HCRTR2: variants seen among roughly 807,000 people sequenced by gnomAD.
HCRTR2 encodes orexin receptor type 2.
Under a neutral mutation model 49.0 loss-of-function variants are expected in HCRTR2, and 22 were observed. The ratio of observed to expected loss-of-function variants is 0.45; its 90% CI spans 0.32 to 0.64. HCRTR2 has a LOEUF of 0.64. Among genes scored for constraint, HCRTR2 ranks in the 30% least tolerant of loss-of-function variants. HCRTR2 has a pLI of 0.04. For synonymous variants in HCRTR2, 236 were observed against 205.3 expected (o/e 1.15, Z -1.28); for missense variants, 491 against 559.4 (o/e 0.88, Z 1.23).
At chr6:55,191,575 T>A (rs1396976029) in intron 1 of HCRTR2, among the ~76,000 whole-genome samples, 2 of 152,212 alleles carry the variant, frequency 1.3e-5, no homozygotes, top group Admixed American at 1.3e-4. Context: ...TTAGTCCTAG[T>A]ATCTCTGATA....
chr6:55,221,549 C>T (rs12660294), intron 1 of HCRTR2, among the ~76,000 whole-genome samples: 1 of 151,708 alleles, frequency 6.6e-6, no homozygotes, highest in Non-Finnish European at 1.5e-5. Context: ...CGTGGTGGCT[C>T]ACGCCTGTAA....
At chr6:55,220,510 T>C (rs182577226) in intron 1 of HCRTR2, among the ~76,000 whole-genome samples, 1 of 152,260 alleles carries the variant, frequency 6.6e-6, no homozygotes, top group East Asian at 1.9e-4. Context: ...TAATACCCTT[T>C]CGTAATAAAA....
chr6:55,281,312 T>TA (rs1338533491), intron 6 of HCRTR2, among the ~76,000 whole-genome samples: 11 of 151,658 alleles, frequency 7.3e-5, no homozygotes, highest in Non-Finnish European at 4.4e-5. Context: ...TTGTTCTATT[T>TA]AAAAAAAAAT....
intron 1 of HCRTR2, among the ~76,000 whole-genome samples, chr6:55,205,478 A>C (rs944377116): frequency 3.3e-5 from 5 of 152,130 alleles, no homozygotes; most frequent in African/African-American, 9.7e-5. Flanking sequence ...TCAACCATAA[A>C]ATTTGGCATT....
intron 1 of HCRTR2, among the ~76,000 whole-genome samples, chr6:55,224,031 T>A (rs1452893998): frequency 6.6e-6 from 1 of 152,204 alleles, no homozygotes; most frequent in Non-Finnish European, 1.5e-5. Flanking sequence ...ATTTTTTCAA[T>A]GAGAGATTTT....
At chr6:55,107,543 A>G (rs1763991712) in intron 1 of HCRTR2, among the ~76,000 whole-genome samples, 1 of 148,828 alleles carries the variant, frequency 6.7e-6, no homozygotes, top group Admixed American at 6.6e-5. Context: ...GTTCTGTAAC[A>G]TATACACTAT....
intron 1 of HCRTR2, among the ~76,000 whole-genome samples, chr6:55,246,257 T>A (rs1262440242): frequency 6.6e-6 from 1 of 152,086 alleles, no homozygotes; most frequent in African/African-American, 2.4e-5. Context: ...GGTACTTTTT[T>A]ACAGCAGCCT....
chr6:55,196,066 T>G (rs1765404182), intron 1 of HCRTR2, among the ~76,000 whole-genome samples: 1 of 152,202 alleles, frequency 6.6e-6, no homozygotes, highest in Non-Finnish European at 1.5e-5. Context: ...TATCAGTAAT[T>G]TAAATTTTTC....
At chr6:55,200,236 TG>T (rs1164130273) in intron 1 of HCRTR2, among the ~76,000 whole-genome samples, 14 of 2,408 alleles carry the variant, frequency 5.8e-3, no homozygotes, top group East Asian at 0.033. Flanking sequence ...TTTGCTGTCT[TG>T]TGTGTGTGTG....
rs556825273 is a variant in HCRTR2 at position 55,175,696 on chromosome 6, C to T, written c.223+886C>T. Among the ~76,000 whole-genome samples the T allele has an allele frequency of 7.2e-5, 11 of 152,160 alleles. 3 individuals carry two copies. The highest frequency in any genetic ancestry group is 2.6e-4 in the African/African-American group (11 of 41,512). ...GACCCCTCATCCCCCTCCCCCTAAA[C>T]AATTTCTGAGGGTTGGGGAGGGGGT... On this transcript the variant is annotated intron_variant, in intron 1 of 6. Transcript: ENST00000370862.
intron 1 of HCRTR2, among the ~76,000 whole-genome samples, chr6:55,185,942 C>T (rs1437892565): frequency 1.3e-5 from 2 of 152,194 alleles, no homozygotes; most frequent in Admixed American, 6.5e-5. Context: ...ATGACTGGCT[C>T]CTGCTCAGCT....
At chr6:55,157,596 G>T (rs555615718) in intron 1 of HCRTR2, among the ~76,000 whole-genome samples, 1 of 152,192 alleles carries the variant, frequency 6.6e-6, no homozygotes, top group Admixed American at 6.5e-5. Flanking sequence ...TGCTATGTTG[G>T]CTTCTAGTTT....
At chr6:55,207,807 T>G (rs1456657673) in intron 1 of HCRTR2, among the ~76,000 whole-genome samples, 1 of 152,214 alleles carries the variant, frequency 6.6e-6, no homozygotes, top group African/African-American at 2.4e-5. Flanking sequence ...TCACTTTTTT[T>G]CTAACCTCTA....
intron 1 of HCRTR2, among the ~76,000 whole-genome samples, chr6:55,175,556 CAT>C (rs1765025333): frequency 6.6e-6 from 1 of 151,572 alleles, no homozygotes; most frequent in South Asian, 2.1e-4. Flanking sequence ...AGGAATTATT[CAT>C]GTCAACTGTT....
chr6:55,219,690 G>A lies in HCRTR2; in HGVS notation c.224-28949G>A, dbSNP rs1400404185. Among the ~76,000 whole-genome samples the A allele has an allele frequency of 3.3e-5, 5 of 151,296 alleles. No individual in the cohort carries two copies. The East Asian group carries it at 9.7e-4, about 29-fold the overall frequency. ...ACTAAGCCTAATGTTAGCAAAGAAAGGAAATAATAAAAATTAGAAAAAATA... is the reference window on the plus strand; with the variant it reads ...ACTAAGCCTAATGTTAGCAAAGAAAAGAAATAATAAAAATTAGAAAAAATA... On this transcript the variant is annotated intron_variant, in intron 1 of 6. Coordinates refer to ENST00000370862, the MANE Select transcript of HCRTR2 (RefSeq NM_001384272.1).
intron 2 of HCRTR2, among the ~76,000 whole-genome samples, chr6:55,253,864 C>A (rs1044166874): frequency 6.6e-6 from 1 of 151,980 alleles, no homozygotes; most frequent in Admixed American, 6.6e-5. Context: ...ACAACACGCA[C>A]TGGGGCCTTT....
At chr6:55,171,048 G>T (rs1429457115), upstream of HCRTR2, among the ~76,000 whole-genome samples, 5 of 152,166 alleles carry the variant, frequency 3.3e-5, no homozygotes, top group East Asian at 3.9e-4. Flanking sequence ...ACATATGTGT[G>T]CATGTGTCTT....
At chr6:55,259,357 A>T (rs910408644) in intron 3 of HCRTR2, among the ~76,000 whole-genome samples, 3 of 152,264 alleles carry the variant, frequency 2.0e-5, no homozygotes, top group East Asian at 3.9e-4. Context: ...ATTAGGGAGA[A>T]GATAGTAAAA....
chr6:55,276,480 TA>T (rs1464396423), intron 4 of HCRTR2, among the ~76,000 whole-genome samples: 1 of 152,200 alleles, frequency 6.6e-6, no homozygotes, highest in Non-Finnish European at 1.5e-5. Flanking sequence ...AAAAGCTGAA[TA>T]ATCTTAACAG....
Sources: gnomAD v4.1 joint callset for allele counts (sites outside exome capture counted in the v4.1 genomes callset) on GRCh38, gnomAD v4.1.1 for gene constraint, MANE v1.5 for transcripts, NCBI Gene and HGNC (gene_info 2026-07-23, HGNC 2026-07-21) for gene names.